Variants in AGPS observed in about 807,000 individuals in gnomAD.
AGPS encodes alkyldihydroxyacetonephosphate synthase, peroxisomal.
A neutral mutation model predicts 90.7 loss-of-function variants in AGPS; 26 were observed. The observed-to-expected ratio is 0.29, with a 90% CI of 0.21 to 0.40. AGPS has a LOEUF of 0.40. Among genes scored for constraint, AGPS ranks in the 10% least tolerant of loss-of-function variants. The pLI is 1.00. For synonymous variants in AGPS, 294 were observed against 285.3 expected, an observed-to-expected ratio of 1.03 and a Z score of -0.31; for missense variants, 540 against 816.1, an observed-to-expected ratio of 0.66 and a Z score of 4.12.
In AGPS at chr2:177,438,493, A is replaced by G. The variant is rs1055985497; in HGVS notation, c.637+1439A>G. Among the ~76,000 whole-genome samples the G allele has an allele frequency of 9.2e-5, 14 of 152,356 alleles. No individual in the cohort carries two copies. In the East Asian group the frequency reaches 2.3e-3, roughly 25 times the overall value. ...CAGATGTAGTAAACAATATTTCACA[A>G]AAGTTTCTTTGCTTTGTAAAATCCC... On this transcript the variant is annotated intron_variant, in intron 5 of 19. Transcript: ENST00000264167.
At chr2:177,409,466 T>C (rs1355629241) in intron 1 of AGPS, among the ~76,000 whole-genome samples, 1 of 151,800 alleles carries the variant, frequency 6.6e-6, no homozygotes, top group Admixed American at 6.6e-5. Context: ...ATTGGTTGGG[T>C]GTGAGCTGAG....
chr2:177,471,101 A>G (rs1412730491), intron 10 of AGPS, among the ~76,000 whole-genome samples: 2 of 152,204 alleles, frequency 1.3e-5, no homozygotes, highest in East Asian at 3.8e-4. Context: ...CAGTTTGTGA[A>G]TATAGAGTTA....
At chr2:177,512,983 ACAGACATG>A (rs1046338826) in intron 16 of AGPS, among the ~76,000 whole-genome samples, 31 of 151,710 alleles carry the variant, frequency 2.0e-4, no homozygotes, top group Middle Eastern at 3.4e-3. Context: ...AGCTGGGACT[ACAGACATG>A]CACCACCTTG....
intron 8 of AGPS, among the ~76,000 whole-genome samples, chr2:177,451,955 A>G (rs1170671417): frequency 5.3e-5 from 2 of 37,682 alleles, no homozygotes; most frequent in African/African-American, 7.4e-5. Context: ...CACCATGTAT[A>G]TATGTTATTT....
At chr2:177,534,194 AT>A (rs1170880905) in intron 19 of AGPS, among the ~76,000 whole-genome samples, 2 of 152,180 alleles carry the variant, frequency 1.3e-5, no homozygotes, top group Non-Finnish European at 2.9e-5. Flanking sequence ...GTAGTTTCAG[AT>A]AATTTTTGGT....
chr2:177,534,000 C>T (rs557056097), intron 19 of AGPS, among the ~76,000 whole-genome samples: 5 of 152,244 alleles, frequency 3.3e-5, no homozygotes, highest in Admixed American at 1.3e-4. Context: ...AAATGTATGG[C>T]CCATTTCATA....
At chr2:177,498,557 G>A (rs1208079353) in intron 13 of AGPS, among the ~76,000 whole-genome samples, 2 of 150,390 alleles carry the variant, frequency 1.3e-5, no homozygotes, top group African/African-American at 2.4e-5. Flanking sequence ...GCTTAGAAAA[G>A]CCTTCCTTCC....
At chr2:177,510,349 G>C (rs1688834005) in intron 16 of AGPS, among the ~76,000 whole-genome samples, 1 of 152,106 alleles carries the variant, frequency 6.6e-6, no homozygotes, top group African/African-American at 2.4e-5. Context: ...TCCCATTAAT[G>C]CAGCTCCACC....
At chr2:177,466,463 G>T (rs1687451221) in intron 9 of AGPS, among the ~76,000 whole-genome samples, 1 of 152,218 alleles carries the variant, frequency 6.6e-6, no homozygotes, top group Non-Finnish European at 1.5e-5. Context: ...TGAAGGTGGG[G>T]TTTCACCGGG....
chr2:177,407,321 T>C (rs527803540), intron 1 of AGPS, among the ~76,000 whole-genome samples: 1 of 152,338 alleles, frequency 6.6e-6, no homozygotes, highest in Admixed American at 6.5e-5. Flanking sequence ...TAGACCATTT[T>C]TGCATTGCTA....
chr2:177,525,024 A>G (rs2079070012), intron 19 of AGPS, among the ~76,000 whole-genome samples: 1 of 152,218 alleles, frequency 6.6e-6, no homozygotes. Context: ...AGCCAATAGC[A>G]TTGAAGATAA....
At position 177,392,861 on chromosome 2, in the gene AGPS, C is replaced by T. The variant is rs923081006; in HGVS notation, c.72C>T (p.Asp24=). ...GAGASYGSAA[D]RDRDPDPDRA... Reference sequence around the variant, plus strand: ...GCGCGAGCTACGGGTCTGCAGCGGACCGGGACCGGGACCCGGACCCGGACC... The same window carrying T: ...GCGCGAGCTACGGGTCTGCAGCGGATCGGGACCGGGACCCGGACCCGGACC... The change falls in exon 1 of 20, where the codon GAC becomes GAT. Residue 24 remains aspartate (D), a synonymous_variant. Coordinates refer to ENST00000264167, the MANE Select transcript of AGPS (RefSeq NM_003659.4). 31 of 1,552,236 alleles carry T rather than the reference C, an allele frequency of 2.0e-5. No individual in the cohort carries two copies. The highest frequency in any genetic ancestry group is 2.6e-5 in the Non-Finnish European group (30 of 1,151,944).
chr2:177,440,421 A>G (rs900773193), intron 5 of AGPS, among the ~76,000 whole-genome samples: 2 of 152,172 alleles, frequency 1.3e-5, no homozygotes, highest in East Asian at 3.8e-4. Context: ...CCTGAACTTA[A>G]TCATGAGGAA....
chr2:177,449,999 G>A lies in AGPS; in HGVS notation c.870+4373G>A, dbSNP rs187032869. Among the ~76,000 whole-genome samples the A allele has an allele frequency of 6.8e-3, 1,030 of 152,042 alleles. 11 individuals are homozygous for A. Among genetic ancestry groups the A allele is most frequent in the African/African-American group, 0.024 (978 of 41,450 alleles). On this transcript the variant is annotated intron_variant, in intron 8 of 19. Transcript: ENST00000264167. ...ACTACAGGCGCCCACCACCATGCCT[G>A]GCTAATTTTTTGTATTTTTAGTAGA... is the stretch of plus-strand genomic sequence containing the variant.
chr2:177,480,731 G>GTA (rs1292192386), intron 10 of AGPS, among the ~76,000 whole-genome samples: 1 of 150,680 alleles, frequency 6.6e-6, no homozygotes, highest in Non-Finnish European at 1.5e-5. Flanking sequence ...TATAATAAAA[G>GTA]TATATATATA....
rs899303164 is a variant in AGPS, at chr2:177,532,639, T to C, written c.1856-5435T>C. Among the ~76,000 whole-genome samples the C allele has an allele frequency of 8.5e-5, 13 of 152,328 alleles. No homozygotes were observed. In the South Asian group the frequency reaches 1.2e-3, roughly 15 times the overall value. On this transcript the variant is annotated intron_variant, in intron 19 of 19. Coordinates refer to ENST00000264167, the MANE Select transcript of AGPS (RefSeq NM_003659.4). ...TTTGTACCAGAGAAATGAAAACTTA[T>C]GTTCACATAAAAACCTTAACATAAA... is the stretch of plus-strand genomic sequence containing the variant.
chr2:177,409,834 TAAC>T (rs1685570132), intron 1 of AGPS, among the ~76,000 whole-genome samples: 1 of 152,082 alleles, frequency 6.6e-6, no homozygotes, highest in African/African-American at 2.4e-5. Context: ...GAGACAAACT[TAAC>T]AAGGAGGTTA....
chr2:177,462,428 G>T (rs1687325059), intron 9 of AGPS, among the ~76,000 whole-genome samples: 1 of 150,066 alleles, frequency 6.7e-6, no homozygotes, highest in Admixed American at 6.6e-5. Flanking sequence ...AGAGTTGGAT[G>T]GTAGATTCCC....
rs2105576310 is a variant in AGPS at position 177,392,978 on chromosome 2, C to T, written c.189C>T (p.Ala63=). 2 of 1,549,988 alleles carry T rather than the reference C, an allele frequency of 1.3e-6. No homozygotes were observed. The highest frequency in any genetic ancestry group is 1.7e-6 in the Non-Finnish European group (2 of 1,146,612). ...CCAATGAGTGCAAAGCGCGGAGAGCCGCGTCGGCGGCCACGGCAGCGCCCA... is the reference window on the plus strand; with the variant it reads ...CCAATGAGTGCAAAGCGCGGAGAGCTGCGTCGGCGGCCACGGCAGCGCCCA... The part of the protein sequence containing the change: ...LSTNECKARR[A]ASAATAAPTA... Residue 63 remains alanine, a synonymous_variant, in exon 1 of 20, where the codon GCC becomes GCT. Coordinates refer to ENST00000264167, the MANE Select transcript of AGPS (RefSeq NM_003659.4).
Sources: gnomAD v4.1 joint callset for allele counts (sites outside exome capture counted in the v4.1 genomes callset) on GRCh38, gnomAD v4.1.1 for gene constraint, MANE v1.5 for transcripts, NCBI Gene and HGNC (gene_info 2026-07-23, HGNC 2026-07-21) for gene names.